Variants in VPS13B observed in about 807,000 individuals in gnomAD.
The protein encoded by VPS13B is intermembrane lipid transfer protein VPS13B.
Under a neutral mutation model 426.4 loss-of-function variants are expected in VPS13B, and 285 were observed. That is an observed-to-expected ratio of 0.67 (90% CI 0.61 to 0.74). VPS13B has a LOEUF of 0.74. Ranked by LOEUF, VPS13B falls within the 30% of genes least tolerant of loss-of-function variation. The pLI is 0.00. For synonymous variants in VPS13B, 1,676 were observed against 1,676.4 expected (o/e 1.00, Z 0.01); for missense variants, 4,537 against 4,782.6 (o/e 0.95, Z 1.51).
At chr8:99,688,715 G>C (rs1831522223) in intron 35 of VPS13B, among the ~76,000 whole-genome samples, 1 of 152,018 alleles carries the variant, frequency 6.6e-6, no homozygotes, top group African/African-American at 2.4e-5. Flanking sequence ...CCCCCTAAAG[G>C]TTATCTGAAA....
chr8:99,431,520 G>A lies in VPS13B; in HGVS notation c.3083-17G>A. ...AAGTTATGTTTCTATTAAATAATTA[G>A]CTATTCTCGTACTCAGAATCCCGCC... On this transcript the variant is annotated splice_polypyrimidine_tract_variant and intron_variant, in intron 21 of 61. Transcript: ENST00000357162. 1 of 1,612,506 alleles carries A rather than the reference G, an allele frequency of 6.2e-7. No homozygotes were observed. Among genetic ancestry groups the A allele is most frequent in the Non-Finnish European group, 8.5e-7 (1 of 1,179,408 alleles).
intron 3 of VPS13B, among the ~76,000 whole-genome samples, chr8:99,039,940 A>G (rs1367842956): frequency 2.6e-5 from 4 of 152,184 alleles, no homozygotes; most frequent in African/African-American, 7.2e-5. Context: ...AAATCTGTGG[A>G]TAGTTACATT....
At chr8:99,383,732 C>T (rs1210291870) in intron 19 of VPS13B, among the ~76,000 whole-genome samples, 1 of 152,114 alleles carries the variant, frequency 6.6e-6, no homozygotes, top group African/African-American at 2.4e-5. Context: ...TTTTCTTTGT[C>T]AGGCTTATTT....
At chr8:99,233,524 G>C (rs1215748007) in intron 17 of VPS13B, 1 of 1,164,350 alleles carries the variant, frequency 8.6e-7, no homozygotes, top group African/African-American at 1.5e-5. Context: ...ATGCGGGAAC[G>C]GGCCAAACTG....
At chr8:99,233,127 A>G (rs1462220005) in intron 17 of VPS13B, 9 of 1,348,262 alleles carry the variant, frequency 6.7e-6, no homozygotes, top group Admixed American at 1.7e-5. Context: ...TTTCCCTGAT[A>G]CTGCGCTGTG....
chr8:99,414,586 G>T (rs546681736), intron 21 of VPS13B, among the ~76,000 whole-genome samples: 19 of 152,142 alleles, frequency 1.2e-4, no homozygotes, highest in African/African-American at 4.1e-4. Context: ...TTTATGCTTC[G>T]TTCAGAAGCT....
intron 35 of VPS13B, among the ~76,000 whole-genome samples, chr8:99,691,534 C>A (rs1831664875): frequency 6.6e-6 from 1 of 151,848 alleles, no homozygotes; most frequent in South Asian, 2.1e-4. Flanking sequence ...GTAAACAAGA[C>A]TCAGAGTTTT....
At chr8:99,193,154 T>A in intron 17 of VPS13B, 97 bp downstream of exon 17, 3 of 1,178,124 alleles carry the variant, frequency 2.5e-6, no homozygotes, top group Non-Finnish European at 3.7e-6. Context: ...ATGGTCAACT[T>A]AAATTGTAAT....
intron 33 of VPS13B, among the ~76,000 whole-genome samples, chr8:99,613,033 G>A (rs1331696729): frequency 6.6e-6 from 1 of 151,958 alleles, no homozygotes; most frequent in Non-Finnish European, 1.5e-5. Flanking sequence ...AACCACCCTT[G>A]TATCTTTTTT....
At chr8:99,017,483 A>G (rs898132393) in intron 2 of VPS13B, among the ~76,000 whole-genome samples, 3 of 151,722 alleles carry the variant, frequency 2.0e-5, no homozygotes, top group Non-Finnish European at 2.9e-5. Context: ...GTATTTCCAT[A>G]TACATTTTAT....
At chr8:99,354,238 GCATTCTA>G (rs1396712429) in intron 19 of VPS13B, among the ~76,000 whole-genome samples, 1 of 116,752 alleles carries the variant, frequency 8.6e-6, no homozygotes, top group East Asian at 2.7e-4. Context: ...ATCGTTGTGA[GCATTCTA>G]CTGTAGCCCC....
chr8:99,111,951 C>T (rs958042677), intron 6 of VPS13B, among the ~76,000 whole-genome samples: 4 of 152,054 alleles, frequency 2.6e-5, no homozygotes, highest in African/African-American at 9.7e-5. Flanking sequence ...TTTCCTCTCC[C>T]TCCTTCCCTC....
intron 39 of VPS13B, among the ~76,000 whole-genome samples, chr8:99,751,326 TATATG>T (rs1217936130): frequency 6.6e-6 from 1 of 152,162 alleles, no homozygotes; most frequent in Non-Finnish European, 1.5e-5. Context: ...ACAGACTTAT[TATATG>T]AGAAGAAGAT....
At chr8:99,050,443 A>G (rs1357227145) in intron 3 of VPS13B, among the ~76,000 whole-genome samples, 1 of 152,228 alleles carries the variant, frequency 6.6e-6, no homozygotes, top group Middle Eastern at 3.2e-3. Flanking sequence ...ATTGTTGGAC[A>G]TGTGGGTTGG....
At position 99,809,536 on chromosome 8, in the gene VPS13B, T is replaced by C; in HGVS notation, c.8097+6T>C. Reference sequence around the variant, plus strand: ...TCAATGGAGTACAAAAACAGGTAAGTTTCTTTGTGTTCATGACCCAGACAC... The same window carrying C: ...TCAATGGAGTACAAAAACAGGTAAGCTTCTTTGTGTTCATGACCCAGACAC... On this transcript the variant is annotated splice_donor_region_variant and intron_variant, in intron 44 of 61. Coordinates refer to ENST00000357162, the MANE Select transcript of VPS13B (RefSeq NM_152564.5). 1 of 1,613,944 alleles carries C rather than the reference T, an allele frequency of 6.2e-7. No homozygotes were observed. Among genetic ancestry groups the C allele is most frequent in the Non-Finnish European group, 8.5e-7 (1 of 1,179,910 alleles).
At chr8:99,577,405 G>A (rs1333521108) in intron 32 of VPS13B, 85 bp from the exon 33 acceptor site, 4 of 1,585,928 alleles carry the variant, frequency 2.5e-6, no homozygotes, top group East Asian at 4.5e-5. Context: ...CACCAAAGTA[G>A]TGAAGGTCAA....
At chr8:99,842,116 A>T (rs918018727) in intron 54 of VPS13B, among the ~76,000 whole-genome samples, 9 of 152,212 alleles carry the variant, frequency 5.9e-5, no homozygotes, top group African/African-American at 2.2e-4. Flanking sequence ...TTTACAAACC[A>T]CATATATAGA....
intron 33 of VPS13B, among the ~76,000 whole-genome samples, chr8:99,639,643 A>G (rs1017544213): frequency 6.7e-6 from 1 of 148,388 alleles, no homozygotes; most frequent in Admixed American, 6.8e-5. Context: ...TATATAAGTT[A>G]TTGCATATAT....
intron 17 of VPS13B, among the ~76,000 whole-genome samples, chr8:99,245,034 A>G (rs994855871): frequency 2.6e-4 from 39 of 152,224 alleles, no homozygotes; most frequent in Non-Finnish European, 1.6e-4. Context: ...ATTTATTCTC[A>G]TTGTTGGCTC....
Sources: allele counts gnomAD v4.1 joint callset (sites outside exome capture counted in the v4.1 genomes callset), GRCh38; gene constraint gnomAD v4.1.1; transcripts MANE v1.5; gene names NCBI Gene and HGNC (gene_info 2026-07-23, HGNC 2026-07-21).